The following MTFR1 variants were observed in gnomAD, a reference collection of about 807,000 sequenced individuals.
MTFR1 encodes chondrocyte protein with a poly-proline region.
In MTFR1, 28 loss-of-function variants were observed where a neutral mutation model predicts 38.8. That is an observed-to-expected ratio of 0.72 (90% CI 0.53 to 0.99). The LOEUF is 0.99. MTFR1 is among the 50% of genes least tolerant of loss of function. MTFR1 has a pLI of 0.00. For synonymous variants in MTFR1, 145 were observed against 137.0 expected (o/e 1.06, Z -0.41); for missense variants, 358 against 395.5 (o/e 0.91, Z 0.81).
chr8:65,687,970 C>T (rs144841511), intron 3 of MTFR1, among the ~76,000 whole-genome samples: 6,310 of 150,688 alleles, frequency 0.042, 195 homozygotes, highest in Non-Finnish European at 0.063. Context: ...TGTGATGGCA[C>T]GTGCCTGTAA....
chr8:65,725,054 T>C, intron 3 of MTFR1: 1 of 483,818 alleles, frequency 2.1e-6, no homozygotes, highest in Non-Finnish European at 3.4e-6. Flanking sequence ...ATTTAAAATT[T>C]ATCACACAAA....
intron 4 of MTFR1, among the ~76,000 whole-genome samples, chr8:65,699,303 G>A (rs1450982171): frequency 2.0e-5 from 3 of 152,164 alleles, no homozygotes; most frequent in Non-Finnish European, 2.9e-5. Flanking sequence ...TGATGAACAC[G>A]TGTGCTTGTG....
chr8:65,656,575 C>T (rs999362927), intron 1 of MTFR1, among the ~76,000 whole-genome samples: 10 of 149,062 alleles, frequency 6.7e-5, no homozygotes, highest in Admixed American at 6.1e-4. Flanking sequence ...GATCTTGGCT[C>T]ACTGCAACCC....
At chr8:65,712,209 C>T (rs1805965795), downstream of MTFR1, among the ~76,000 whole-genome samples, 1 of 152,196 alleles carries the variant, frequency 6.6e-6, no homozygotes, top group African/African-American at 2.4e-5. Context: ...AAAAAGGATA[C>T]AGCTAGAGCA....
At chr8:65,682,275 C>G (rs940483019) in intron 2 of MTFR1, 78 bp from the exon 3 acceptor site, 2 of 617,884 alleles carry the variant, frequency 3.2e-6, no homozygotes, top group Non-Finnish European at 5.3e-6. Context: ...GTATGTCATA[C>G]AAATAATTGT....
intron 1 of MTFR1, among the ~76,000 whole-genome samples, chr8:65,649,869 C>G (rs563771788): frequency 1.3e-5 from 2 of 149,742 alleles, no homozygotes; most frequent in Non-Finnish European, 3.0e-5. Flanking sequence ...GATGGAGTCT[C>G]GCTCTGTCAC....
chr8:65,777,340 A>C, the MTFR1 span, among the ~76,000 whole-genome samples: 64 of 152,146 alleles, frequency 4.2e-4, no homozygotes, highest in African/African-American at 1.5e-3. Context: ...CAGCCTCCCA[A>C]AGTGCTGGGA....
At chr8:65,766,500 C>T (rs760745022) in intron 3 of MTFR1, among the ~76,000 whole-genome samples, 4 of 152,132 alleles carry the variant, frequency 2.6e-5, no homozygotes, top group Non-Finnish European at 2.9e-5. Flanking sequence ...AGTAAGGAGA[C>T]GCTGCCATAG....
At chr8:65,756,319 T>C (rs1808238035) in intron 3 of MTFR1, among the ~76,000 whole-genome samples, 1 of 152,224 alleles carries the variant, frequency 6.6e-6, no homozygotes, top group South Asian at 2.1e-4. Context: ...ATTTGGGAAG[T>C]TTATTTTTTC....
chr8:65,711,004 G>T (rs552587701), downstream of MTFR1, among the ~76,000 whole-genome samples: 40 of 152,282 alleles, frequency 2.6e-4, no homozygotes, highest in Non-Finnish European at 4.7e-4. Flanking sequence ...GAGAGAGAGA[G>T]AGAGAGAGAG....
chr8:65,648,776 TAC>T (rs1280623407), intron 1 of MTFR1, among the ~76,000 whole-genome samples: 1 of 152,210 alleles, frequency 6.6e-6, no homozygotes, highest in Non-Finnish European at 1.5e-5. Flanking sequence ...CATTGTAATG[TAC>T]ATATAAATAT....
chr8:65,674,636 G>T (rs940440032), intron 2 of MTFR1, among the ~76,000 whole-genome samples: 3 of 152,136 alleles, frequency 2.0e-5, no homozygotes, highest in African/African-American at 4.8e-5. Flanking sequence ...ATAAAAAGAA[G>T]AAATTGCAAG....
At chr8:65,727,160 T>C (rs767103153) in intron 3 of MTFR1, 1 of 1,432,902 alleles carries the variant, frequency 7.0e-7, no homozygotes, top group Non-Finnish European at 9.8e-7. Flanking sequence ...GATGATAAAA[T>C]TGCACTAACC....
chr8:65,702,297 C>CTT (rs530863447), intron 4 of MTFR1, among the ~76,000 whole-genome samples: 59 of 110,254 alleles, frequency 5.4e-4, no homozygotes, highest in Non-Finnish European at 7.4e-4. Flanking sequence ...TTCTTTCTTT[C>CTT]TTTTTTTTTT....
intron 3 of MTFR1, among the ~76,000 whole-genome samples, chr8:65,688,069 C>T (rs1224287313): frequency 1.4e-5 from 2 of 146,864 alleles, no homozygotes; most frequent in African/African-American, 2.5e-5. Context: ...CGTTGCACTC[C>T]AGCCTGGGCG....
At chr8:65,778,598 A>G in the MTFR1 span, among the ~76,000 whole-genome samples, 6 of 152,194 alleles carry the variant, frequency 3.9e-5, no homozygotes, top group Non-Finnish European at 5.9e-5. Context: ...TTTTATGCCA[A>G]TAAGTTTTGG....
At chr8:65,707,305 A>G in intron 6 of MTFR1, 49 bp downstream of exon 6, 1 of 1,567,928 alleles carries the variant, frequency 6.4e-7, no homozygotes, top group Non-Finnish European at 8.7e-7. Flanking sequence ...GTCTTATAAA[A>G]CCAAAGTACC....
chr8:65,662,212 C>CGAG (rs1809447759), intron 1 of MTFR1, among the ~76,000 whole-genome samples: 1 of 152,044 alleles, frequency 6.6e-6, no homozygotes, highest in African/African-American at 2.4e-5. Context: ...ATTCTCCTGC[C>CGAG]TCAGCCTGCC....
rs533397994 is a variant in MTFR1 at position 65,731,027 on chromosome 8, T to C, written c.*48+11546T>C. Among the ~76,000 whole-genome samples, 132 of 152,332 alleles carry C rather than the reference T, an allele frequency of 8.7e-4. 1 individual carries two copies. Among genetic ancestry groups the C allele is most frequent in the African/African-American group, 3.0e-3 (126 of 41,576 alleles). On this transcript the variant is annotated intron_variant, in intron 3 of 3. Coordinates refer to the MTFR1 transcript ENST00000521247. ...CAATATCATTCATTAACAGCTCATA[T>C]TGACCAAGTACCTACCATGTGCTGG...
Sources: gnomAD v4.1 joint callset for allele counts (sites outside exome capture counted in the v4.1 genomes callset) on GRCh38, gnomAD v4.1.1 for gene constraint, MANE v1.5 for transcripts, NCBI Gene and HGNC (gene_info 2026-07-23, HGNC 2026-07-21) for gene names.